Variants in SLC2A9 observed in about 807,000 individuals in gnomAD.
SLC2A9 encodes the protein solute carrier family 2, facilitated glucose transporter member 9.
SLC2A9 carries 39 observed loss-of-function variants against 50.6 expected under a neutral mutation model. The observed-to-expected ratio is 0.77, with a 90% confidence interval of 0.60 to 1.01. The LOEUF (loss-of-function observed/expected upper bound fraction) is 1.01, where lower values mean the gene tolerates loss of function less well. SLC2A9 is among the 50% of genes least tolerant of loss of function. The pLI is 0.00. For missense variants in SLC2A9, 686 were observed against 677.6 expected (o/e 1.01, Z -0.14); for synonymous variants, 324 against 276.9 (o/e 1.17, Z -1.69).
chr4:9,898,592 T>C (rs993723776), intron 8 of SLC2A9, among the ~76,000 whole-genome samples: 4 of 152,238 alleles, frequency 2.6e-5, no homozygotes, highest in Non-Finnish European at 5.9e-5. Flanking sequence ...TGTGCCAGGG[T>C]GAGCCTTTTG....
chr4:10,007,879 T>A (rs1462862758), intron 2 of SLC2A9, among the ~76,000 whole-genome samples: 2 of 151,990 alleles, frequency 1.3e-5, no homozygotes, highest in East Asian at 3.8e-4. Context: ...AACCCCTAGC[T>A]TGTAGATGAG....
chr4:9,956,201 C>T (rs911056561), intron 5 of SLC2A9, among the ~76,000 whole-genome samples: 5 of 150,514 alleles, frequency 3.3e-5, no homozygotes, highest in East Asian at 4.2e-4. Flanking sequence ...AAAGTATCAT[C>T]GGCCGGGTGC....
At chr4:9,910,024 G>A (rs548336420) in intron 7 of SLC2A9, among the ~76,000 whole-genome samples, 3 of 152,298 alleles carry the variant, frequency 2.0e-5, no homozygotes, top group Admixed American at 6.5e-5. Flanking sequence ...GAAGATATAG[G>A]ACCTACTTAT....
chr4:9,890,628 G>A lies in SLC2A9; in HGVS notation c.1197C>T (p.Thr399=), dbSNP rs1271040335. ...GTCTCACCTGCAGGGTCAGCGTGAT[G>A]GTGAGGGTCCCAAAGAAGAGGCCCA... is the stretch of plus-strand genomic sequence containing the variant. The part of the protein sequence containing the change: ...GLMGLFFGTL[T]ITLTLQDHAP... The change falls in exon 9 of 12, where the codon ACC becomes ACT. Residue 399 remains threonine, a synonymous_variant. Coordinates refer to ENST00000264784, the MANE Select transcript of SLC2A9 (RefSeq NM_020041.3). 6.2e-7 allele frequency: 1 copy of A among 1,614,172 alleles called. No individual in the cohort carries two copies. Among genetic ancestry groups the A allele is most frequent in the Non-Finnish European group, 8.5e-7 (1 of 1,180,016 alleles).
rs554802102 is a variant in SLC2A9 at position 9,874,892 on chromosome 4, T to G, written c.1291+12675A>C. Among the ~76,000 whole-genome samples the G allele has an allele frequency of 1.6e-4, 24 of 152,050 alleles. No homozygotes were observed. The East Asian group carries it at 4.7e-3, about 30-fold the overall frequency. On this transcript the variant is annotated intron_variant, in intron 10 of 11. Coordinates refer to ENST00000264784, the MANE Select transcript of SLC2A9 (RefSeq NM_020041.3). ...TGTGTCTTTAGAAATGGCCATAGGT[T>G]AGCGTCTGTCTAAGATGGGATGCTG...
chr4:10,018,905 A>C (rs1200252178), intron 2 of SLC2A9, 70 bp downstream of exon 2: 2 of 1,455,470 alleles, frequency 1.4e-6, no homozygotes, highest in African/African-American at 1.4e-5. Context: ...GCTGGAGCCC[A>C]GGGCCCTTGC....
intron 10 of SLC2A9, among the ~76,000 whole-genome samples, chr4:9,874,295 C>T (rs1169852850): frequency 7.9e-5 from 12 of 152,164 alleles, no homozygotes; most frequent in African/African-American, 4.8e-5. Flanking sequence ...CAAGTTAGTA[C>T]ATTATTGAAT....
chr4:9,832,003 G>A (rs751677725), intron 11 of SLC2A9, among the ~76,000 whole-genome samples: 3 of 152,184 alleles, frequency 2.0e-5, no homozygotes, highest in Non-Finnish European at 4.4e-5. Flanking sequence ...AATCAACCGT[G>A]CTAAGCCCTT....
At chr4:9,906,578 A>G (rs550947888) in intron 8 of SLC2A9, among the ~76,000 whole-genome samples, 1 of 152,366 alleles carries the variant, frequency 6.6e-6, no homozygotes, top group East Asian at 1.9e-4. Flanking sequence ...ATAGAAAGAC[A>G]AGGGAAGAAT....
chr4:9,789,656 C>G (rs535946424), intron 3 of SLC2A9, among the ~76,000 whole-genome samples: 1 of 152,198 alleles, frequency 6.6e-6, no homozygotes, highest in African/African-American at 2.4e-5. Context: ...TAGGCCAATT[C>G]GGGGGAAGGG....
At chr4:9,991,174 C>T (rs1757651206) in intron 3 of SLC2A9, among the ~76,000 whole-genome samples, 2 of 152,200 alleles carry the variant, frequency 1.3e-5, no homozygotes, top group Admixed American at 1.3e-4. Flanking sequence ...GCAGCCTTGC[C>T]TGGCTCCTTC....
At chr4:9,823,395 G>T (rs79332807), downstream of SLC2A9, among the ~76,000 whole-genome samples, 3 of 152,010 alleles carry the variant, frequency 2.0e-5, no homozygotes, top group Non-Finnish European at 2.9e-5. Context: ...TCTCTAACTC[G>T]CCACTCCCCA....
At chr4:9,810,694 G>A (rs1722763469) in intron 3 of SLC2A9, among the ~76,000 whole-genome samples, 1 of 152,242 alleles carries the variant, frequency 6.6e-6, no homozygotes, top group African/African-American at 2.4e-5. Flanking sequence ...GAGGGATTAT[G>A]GAATGAGAAA....
In SLC2A9 at chr4:10,019,024, G is replaced by A. The variant is rs1467561081; in HGVS notation, c.200C>T (p.Ser67Phe). Residue 67 changes from serine to phenylalanine, a missense_variant, in exon 2 of 12, where the codon TCC becomes TTC. Coordinates refer to ENST00000264784, the MANE Select transcript of SLC2A9 (RefSeq NM_020041.3). Reference sequence around the variant, plus strand: ...CAGGTTGTAGCCGTAGAGGAAGGAGGAGCCGAAGGCGCCCGCGAGGGAGGC... The same window carrying A: ...CAGGTTGTAGCCGTAGAGGAAGGAGAAGCCGAAGGCGCCCGCGAGGGAGGC... ...LVASLAGAFG[S>F]SFLYGYNLSV... is the part of the protein sequence containing the mutation. 6 of 1,550,904 alleles carry A rather than the reference G, an allele frequency of 3.9e-6. 1 individual carries two copies. The South Asian group carries it at 6.0e-5, about 15-fold the overall frequency.
rs547565251 is a variant in SLC2A9 at position 9,881,585 on chromosome 4, C to T, written c.1291+5982G>A. On this transcript the variant is annotated intron_variant, in intron 10 of 11. Transcript: ENST00000264784. ...TAGGCTTTTCAGGCCACATGTGGTC[C>T]CTGGCATGCATTCTTTCTTTCCCCC... is the stretch of plus-strand genomic sequence containing the variant. Among the ~76,000 whole-genome samples, 3 of 152,252 alleles carry T rather than the reference C, an allele frequency of 2.0e-5. No homozygotes were observed. In the South Asian group the frequency reaches 6.2e-4, roughly 32 times the overall value.
chr4:9,783,186 C>T, intron 3 of SLC2A9: 1 of 1,614,218 alleles, frequency 6.2e-7, no homozygotes, highest in Non-Finnish European at 8.5e-7. Context: ...CCGGTGGAGA[C>T]GGTGAACATC....
chr4:9,995,542 A>AT (rs1758497947), intron 3 of SLC2A9: 1 of 152,220 alleles, frequency 6.6e-6, no homozygotes, highest in South Asian at 2.1e-4. Flanking sequence ...CTGTAATCCC[A>AT]TGGTCTGAGG....
At chr4:9,829,682 C>A (rs878990215) in intron 11 of SLC2A9, among the ~76,000 whole-genome samples, 1 of 151,822 alleles carries the variant, frequency 6.6e-6, no homozygotes, top group African/African-American at 2.4e-5. Flanking sequence ...AAAAAACAAC[C>A]TCATTAAAAA....
chr4:9,944,886 G>A (rs991533488), intron 5 of SLC2A9, among the ~76,000 whole-genome samples: 1 of 152,174 alleles, frequency 6.6e-6, no homozygotes, highest in Non-Finnish European at 1.5e-5. Flanking sequence ...TGTGTTGAAT[G>A]AAGTGTTTCC....
Sources: allele counts gnomAD v4.1 joint callset (sites outside exome capture counted in the v4.1 genomes callset), GRCh38; gene constraint gnomAD v4.1.1; transcripts MANE v1.5; gene names NCBI Gene and HGNC (gene_info 2026-07-23, HGNC 2026-07-21).